Variants in ACOT8 observed in about 807,000 individuals in gnomAD.
ACOT8 encodes the protein acyl-CoA thioesterase 8, also known as acyl-coenzyme A thioesterase 8.
Under a neutral mutation model 38.4 loss-of-function variants are expected in ACOT8, and 31 were observed. The ratio of observed to expected loss-of-function variants is 0.81; its 90% CI spans 0.61 to 1.09. The LOEUF is 1.09. Among genes scored for constraint, ACOT8 ranks in the 50% least tolerant of loss-of-function variants. The pLI is 0.00. For missense variants in ACOT8, 373 were observed against 421.8 expected (o/e 0.88, Z 1.01); for synonymous variants, 158 against 170.3 (o/e 0.93, Z 0.56).
chr20:45,845,597 C>A (rs1353339380), intron 3 of ACOT8, among the ~76,000 whole-genome samples: 1 of 152,198 alleles, frequency 6.6e-6, no homozygotes, highest in Non-Finnish European at 1.5e-5. Context: ...GGGGAGGAGC[C>A]CATTCCAAGG....
chr20:45,857,345 C>G lies in ACOT8; in HGVS notation c.-30G>C. The G allele has an allele frequency of 1.3e-6, 2 of 1,572,348 alleles. No individual in the cohort carries two copies. Among genetic ancestry groups the G allele is most frequent in the Non-Finnish European group, 1.7e-6 (2 of 1,160,020 alleles). On this transcript the variant is annotated 5_prime_UTR_variant, in exon 1 of 6. Coordinates refer to ENST00000217455, the MANE Select transcript of ACOT8 (RefSeq NM_005469.4). ...TTCAATGCTGCAGGCCCTGCACACCCGCTCCGCGGAAGACGCGGAGACATA... is the reference window on the plus strand; with the variant it reads ...TTCAATGCTGCAGGCCCTGCACACCGGCTCCGCGGAAGACGCGGAGACATA...
At chr20:45,857,140 A>G (rs776127944) in intron 1 of ACOT8, 48 bp downstream of exon 1, 20 of 1,578,256 alleles carry the variant, frequency 1.3e-5, no homozygotes, top group Non-Finnish European at 1.7e-5. Context: ...AGTCAAGATC[A>G]AGTTTCTGCC....
rs770440977 is a variant in ACOT8, at chr20:45,855,311, A to G, written c.129-19T>C. ...CCTTCCTCTGTAGGGAGAGGGGGAAAGAGGGAAAGACTTGGGAACTGGGCC... is the reference window on the plus strand; with the variant it reads ...CCTTCCTCTGTAGGGAGAGGGGGAAGGAGGGAAAGACTTGGGAACTGGGCC... On this transcript the variant is annotated intron_variant, in intron 1 of 5. Coordinates refer to ENST00000217455, the MANE Select transcript of ACOT8 (RefSeq NM_005469.4). 6 of 1,613,458 alleles carry G rather than the reference A, an allele frequency of 3.7e-6. No homozygotes were observed. In the African/African-American group the frequency reaches 6.7e-5, roughly 18 times the overall value.
intron 5 of ACOT8, chr20:45,843,243 T>C (rs78083685): frequency 5.2e-6 from 3 of 577,274 alleles, no homozygotes; most frequent in African/African-American, 1.9e-5. Flanking sequence ...GAAGATATGA[T>C]TTGCCTATTG....
At chr20:45,855,827 T>C (rs918582170) in intron 1 of ACOT8, among the ~76,000 whole-genome samples, 1 of 152,104 alleles carries the variant, frequency 6.6e-6, no homozygotes, top group Admixed American at 6.5e-5. Flanking sequence ...ACTCCTTCAG[T>C]GTACAGATGA....
chr20:45,847,007 A>C (rs897119380), intron 3 of ACOT8, among the ~76,000 whole-genome samples: 1 of 152,180 alleles, frequency 6.6e-6, no homozygotes, highest in Non-Finnish European at 1.5e-5. Context: ...CAGGAGTTCA[A>C]GACCAGCCTG....
chr20:45,855,849 C>G (rs1179741267), intron 1 of ACOT8, among the ~76,000 whole-genome samples: 1 of 152,360 alleles, frequency 6.6e-6, no homozygotes, highest in East Asian at 1.9e-4. Flanking sequence ...AAAACTGCAG[C>G]TTGGCCCCAG....
rs1984471091 is a variant in ACOT8 at position 45,843,915 on chromosome 20, C to A, written c.647-194G>T. 5 of 1,190,338 alleles carry A rather than the reference C, an allele frequency of 4.2e-6. No homozygotes were observed. In the Admixed American group the frequency reaches 1.1e-4, roughly 27 times the overall value. The allele number at this position is 1,190,338 out of a possible 1,614,324, so 73.7% of individuals were successfully genotyped here. On this transcript the variant is annotated intron_variant, in intron 4 of 5. Coordinates refer to ENST00000217455, the MANE Select transcript of ACOT8 (RefSeq NM_005469.4). ...TGGGGAGGGCAGGGGTGAGCAGGGA[C>A]TGAAATTCAGTCTTCACCACCCAAG...
In ACOT8 at chr20:45,857,328, T is replaced by G; in HGVS notation, c.-13A>C. ...GCGGGGACGACATCTAGTTCAATGC[T>G]GCAGGCCCTGCACACCCGCTCCGCG... On this transcript the variant is annotated 5_prime_UTR_variant, in exon 1 of 6. Coordinates refer to ENST00000217455, the MANE Select transcript of ACOT8 (RefSeq NM_005469.4). 3 of 1,589,500 alleles carry G rather than the reference T, an allele frequency of 1.9e-6. No homozygotes were observed. The highest frequency in any genetic ancestry group is 2.6e-6 in the Non-Finnish European group (3 of 1,169,010).
At chr20:45,855,118 G>A (rs1985323342) in intron 2 of ACOT8, 41 bp downstream of exon 2, 1 of 1,607,302 alleles carries the variant, frequency 6.2e-7, no homozygotes, top group Admixed American at 1.7e-5. Flanking sequence ...ATGGCTGCTG[G>A]GCCACCAGGG....
In ACOT8 at chr20:45,843,576, G is replaced by C. The variant is rs773702461; in HGVS notation, c.792C>G (p.Pro264=). The C allele has an allele frequency of 5.0e-6, 8 of 1,612,562 alleles. No homozygotes were observed. Among genetic ancestry groups the C allele is most frequent in the Non-Finnish European group, 6.8e-6 (8 of 1,178,874 alleles). Residue 264 remains proline, a synonymous_variant, in exon 5 of 6, where the codon CCC becomes CCG. Coordinates refer to ENST00000217455, the MANE Select transcript of ACOT8 (RefSeq NM_005469.4). ...SLDHSMWFHA[P]FRADHWMLYE... ...AGAGCATCCAGTGGTCAGCTCGGAA[G>C]GGGGCGTGGAACCACATGGAATGGT...
intron 2 of ACOT8, among the ~76,000 whole-genome samples, chr20:45,851,349 A>G (rs116560571): frequency 2.6e-5 from 4 of 152,220 alleles, no homozygotes; most frequent in African/African-American, 9.6e-5. Flanking sequence ...CTTCCTCCCT[A>G]CCACCAAACT....
At chr20:45,857,049 G>T (rs1365947997) in intron 1 of ACOT8, 139 bp downstream of exon 1, 1 of 1,014,960 alleles carries the variant, frequency 9.9e-7, no homozygotes, top group Non-Finnish European at 1.4e-6. Context: ...TGTTGGGGGC[G>T]AGTTCTCTCC....
intron 5 of ACOT8, chr20:45,842,369 T>G: frequency 7.6e-7 from 1 of 1,312,404 alleles, no homozygotes; most frequent in Non-Finnish European, 9.7e-7. Context: ...AACAGTCTCC[T>G]TCAACAGCTC....
At chr20:45,842,645 A>G (rs1316692236) in intron 5 of ACOT8, 1 of 991,548 alleles carries the variant, frequency 1.0e-6, no homozygotes, top group Non-Finnish European at 1.2e-6. Context: ...TCCCTTACAC[A>G]TAGCAGAGCT....
intron 2 of ACOT8, among the ~76,000 whole-genome samples, chr20:45,850,141 T>C (rs1044923284): frequency 6.6e-6 from 1 of 151,738 alleles, no homozygotes; most frequent in Non-Finnish European, 1.5e-5. Context: ...AGCTGGGAGG[T>C]GGAGGCTATG....
intron 2 of ACOT8, among the ~76,000 whole-genome samples, chr20:45,851,403 C>T (rs533659026): frequency 1.3e-5 from 2 of 152,356 alleles, no homozygotes; most frequent in African/African-American, 4.8e-5. Flanking sequence ...AATCCTTGGT[C>T]TGCAGGTAAG....
intron 2 of ACOT8, among the ~76,000 whole-genome samples, chr20:45,854,494 C>T (rs1985284535): frequency 2.0e-5 from 3 of 152,218 alleles, no homozygotes. Flanking sequence ...CAGGCGTGAG[C>T]CACCGCGCCC....
intron 2 of ACOT8, among the ~76,000 whole-genome samples, chr20:45,849,372 CCT>C (rs1428482245): frequency 6.6e-6 from 1 of 152,074 alleles, no homozygotes; most frequent in African/African-American, 2.4e-5. Flanking sequence ...GCAACCTCCA[CCT>C]CTCAGGTTCA....
Sources: allele counts gnomAD v4.1 joint callset (sites outside exome capture counted in the v4.1 genomes callset), GRCh38; gene constraint gnomAD v4.1.1; transcripts MANE v1.5; gene names NCBI Gene and HGNC (gene_info 2026-07-23, HGNC 2026-07-21).